Variants in PCDHGA4 observed in about 807,000 individuals in gnomAD.
PCDHGA4 encodes protocadherin gamma-A4.
PCDHGA4 carries 38 observed loss-of-function variants against 54.6 expected under a neutral mutation model. The observed-to-expected ratio is 0.70, with a 90% CI of 0.54 to 0.91. PCDHGA4 has a LOEUF of 0.91. Among genes scored for constraint, PCDHGA4 ranks in the 40% least tolerant of loss-of-function variants. The probability of loss-of-function intolerance (pLI) is 0.00; values close to 1 mark genes in which losing one functional copy is unlikely to be tolerated. For synonymous variants in PCDHGA4, 511 were observed against 512.9 expected, an observed-to-expected ratio of 1.00 and a Z score of 0.05; for missense variants, 1,298 against 1,220.9, an observed-to-expected ratio of 1.06 and a Z score of -0.94.
At chr5:141,473,335 C>T (rs1243738475) in intron 1 of PCDHGA4, among the ~76,000 whole-genome samples, 3 of 152,184 alleles carry the variant, frequency 2.0e-5, no homozygotes, top group Non-Finnish European at 4.4e-5. Context: ...GCCTGCTGTG[C>T]TAGACAGTGA....
At position 141,477,576 on chromosome 5, in the gene PCDHGA4, C is replaced by A; in HGVS notation, c.2515-17231C>A. The A allele has an allele frequency of 6.2e-7, 1 of 1,614,162 alleles. No homozygotes were observed. The highest frequency in any genetic ancestry group is 8.5e-7 in the Non-Finnish European group (1 of 1,180,026). On this transcript the variant is annotated intron_variant, in intron 1 of 3. Transcript: ENST00000571252. The surrounding 1 kb of genome is among the most constrained non-coding windows in gnomAD (Gnocchi z 4.9). ...CTAAGTGTCTGGGACCCCGACGCCC[C>A]GCAGAATGCTCGGCTTTCTTTCTTT...
chr5:141,502,868 T>TTTTTTTTTC (rs1298099288), intron 2 of PCDHGA4, among the ~76,000 whole-genome samples: 1 of 147,026 alleles, frequency 6.8e-6, no homozygotes, highest in Non-Finnish European at 1.5e-5. Flanking sequence ...CTCTCTGTCT[T>TTTTTTTTTC]TTTTTTTTTT....
rs114918874 is a variant in PCDHGA4 at position 141,487,585 on chromosome 5, C to T, written c.2515-7222C>T. On this transcript the variant is annotated intron_variant, in intron 1 of 3. Transcript: ENST00000571252. This position sits in a 1 kb window ranked among gnomAD's most constrained non-coding sequence, Gnocchi z 5.0. Reference sequence around the variant, plus strand: ...CAGGGGAGCCTGTTCGCCCAAGCTGCCCACCCTCTGATCTTCTCTATGGGC... The same window carrying T: ...CAGGGGAGCCTGTTCGCCCAAGCTGTCCACCCTCTGATCTTCTCTATGGGC... 7,902 of 1,614,160 alleles carry T rather than the reference C, an allele frequency of 4.9e-3. 42 individuals are homozygous for T. The highest frequency in any genetic ancestry group is 8.8e-3 in the Admixed American group (531 of 60,020).
intron 1 of PCDHGA4, chr5:141,415,308 C>T: frequency 6.2e-7 from 1 of 1,614,236 alleles, no homozygotes; most frequent in Non-Finnish European, 8.5e-7. Flanking sequence ...TCCTGGCCTT[C>T]GTCATCGTGC....
intron 1 of PCDHGA4, among the ~76,000 whole-genome samples, chr5:141,453,518 C>G (rs1347368114): frequency 6.6e-6 from 1 of 152,114 alleles, no homozygotes; most frequent in African/African-American, 2.4e-5. Context: ...CATTCCTCCC[C>G]TATACCTTCT....
At chr5:141,387,237 G>A (rs1273049599) in intron 1 of PCDHGA4, among the ~76,000 whole-genome samples, 2 of 152,168 alleles carry the variant, frequency 1.3e-5, no homozygotes, top group African/African-American at 4.8e-5. Flanking sequence ...AAATCAACTT[G>A]GAGGTACTTA....
intron 1 of PCDHGA4, among the ~76,000 whole-genome samples, chr5:141,386,574 G>A (rs2090626331): frequency 6.6e-6 from 1 of 151,752 alleles, no homozygotes; most frequent in African/African-American, 2.4e-5. Flanking sequence ...GATAGACTCT[G>A]TACAATAGTG....
chr5:141,403,762 T>A (rs1217388200), intron 1 of PCDHGA4: 1 of 1,613,736 alleles, frequency 6.2e-7, no homozygotes, highest in Non-Finnish European at 8.5e-7. Flanking sequence ...GCGACCTGGA[T>A]GAGGGAATCA....
chr5:141,432,196 C>G lies in PCDHGA4; in HGVS notation c.2515-62611C>G, dbSNP rs200790843. ...TCGTCTCTGTGACCGCCCACGACCC[C>G]GACTGTGAAGAGAACGCCCAGATCA... On this transcript the variant is annotated intron_variant, in intron 1 of 3. Transcript: ENST00000571252. The surrounding 1 kb of genome is among the most constrained non-coding windows in gnomAD (Gnocchi z 6.0). The G allele has an allele frequency of 6.2e-7, 1 of 1,614,192 alleles. No individual in the cohort carries two copies. Among genetic ancestry groups the G allele is most frequent in the East Asian group, 2.2e-5 (1 of 44,880 alleles).
At chr5:141,415,437 G>A in intron 1 of PCDHGA4, 1 of 1,614,200 alleles carries the variant, frequency 6.2e-7, no homozygotes, top group Non-Finnish European at 8.5e-7. Flanking sequence ...GGGCTTTCCT[G>A]CAGACCTATT....
chr5:141,384,702 C>T lies in PCDHGA4; in HGVS notation c.2514+27081C>T, dbSNP rs115492697. ...CGGTGGACAAAGATTCAGGCCAGAACGCCTGGCTGTCATACCTCCTGCTTA... is the reference window on the plus strand; with the variant it reads ...CGGTGGACAAAGATTCAGGCCAGAATGCCTGGCTGTCATACCTCCTGCTTA... On this transcript the variant is annotated intron_variant, in intron 1 of 3. Coordinates refer to ENST00000571252, the MANE Select transcript of PCDHGA4 (RefSeq NM_018917.4). The T allele has an allele frequency of 1.9e-3, 3,011 of 1,614,186 alleles. 49 individuals carry two copies. The African/African-American group carries it at 0.033, about 18-fold the overall frequency.
intron 1 of PCDHGA4, chr5:141,377,075 T>A (rs552169121): frequency 6.6e-6 from 1 of 152,554 alleles, no homozygotes; most frequent in South Asian, 2.1e-4. Flanking sequence ...GAGAGTCACA[T>A]AATTCTAATG....
intron 1 of PCDHGA4, chr5:141,429,169 T>TACAC (rs10667977): frequency 0.077 from 11,199 of 145,388 alleles, 458 homozygotes; most frequent in African/African-American, 0.081. Flanking sequence ...ACATTGTTTA[T>TACAC]ACACACACAC....
intron 1 of PCDHGA4, among the ~76,000 whole-genome samples, chr5:141,401,154 C>A (rs753624238): frequency 6.6e-5 from 10 of 152,086 alleles, no homozygotes; most frequent in Non-Finnish European, 1.5e-4. Context: ...CCAGCCTGGG[C>A]AATATGGTGA....
rs762200805 is a variant in PCDHGA4 at position 141,423,045 on chromosome 5, C to T, written c.2514+65424C>T. 8 of 1,614,210 alleles carry T rather than the reference C, an allele frequency of 5.0e-6. No homozygotes were observed. The East Asian group carries it at 1.8e-4, about 36-fold the overall frequency. ...ATTCAGGCCAGAACGCCTGGCTGTCCTATCGCCTGCTTAAGGCCAGCGAGC... is the reference window on the plus strand; with the variant it reads ...ATTCAGGCCAGAACGCCTGGCTGTCTTATCGCCTGCTTAAGGCCAGCGAGC... On this transcript the variant is annotated intron_variant, in intron 1 of 3. Transcript: ENST00000571252.
chr5:141,481,030 C>A (rs1277171839), intron 1 of PCDHGA4, among the ~76,000 whole-genome samples: 1 of 152,024 alleles, frequency 6.6e-6, no homozygotes, highest in African/African-American at 2.4e-5. Context: ...TGCACTCCAG[C>A]CTGGGCGACA....
chr5:141,374,787 T>C, intron 1 of PCDHGA4: 1 of 1,613,904 alleles, frequency 6.2e-7, no homozygotes, highest in Non-Finnish European at 8.5e-7. Flanking sequence ...GTTCTAGATG[T>C]GAATGACAAC....
intron 1 of PCDHGA4, chr5:141,364,990 G>C (rs1363998069): frequency 1.2e-6 from 2 of 1,613,862 alleles, no homozygotes; most frequent in Admixed American, 1.7e-5. Flanking sequence ...GCGGAGACCC[G>C]GTACTCTCCG....
intron 1 of PCDHGA4, chr5:141,421,487 C>A (rs1447180364): frequency 6.2e-7 from 1 of 1,613,976 alleles, no homozygotes; most frequent in East Asian, 2.2e-5. Context: ...AGCTTGATCA[C>A]GGCAGGCAGG....
Sources: gnomAD v4.1 joint callset for allele counts (sites outside exome capture counted in the v4.1 genomes callset) on GRCh38, gnomAD v4.1.1 for gene constraint, Gnocchi (gnomAD v3.1) non-coding constraint, MANE v1.5 for transcripts, NCBI Gene and HGNC (gene_info 2026-07-23, HGNC 2026-07-21) for gene names.